The following TANC2 variants were observed in gnomAD, a reference collection of about 807,000 sequenced individuals.
The protein encoded by TANC2 is tetratricopeptide repeat, ankyrin repeat and coiled-coil containing 2.
Under a neutral mutation model 210.5 loss-of-function variants are expected in TANC2, and 26 were observed. The observed-to-expected ratio is 0.12, with a 90% CI of 0.09 to 0.17. The LOEUF (loss-of-function observed/expected upper bound fraction) is 0.17, where lower values mean the gene tolerates loss of function less well. Among genes scored for constraint, TANC2 ranks in the 10% least tolerant of loss-of-function variants. TANC2 has a pLI of 1.00. For missense variants in TANC2, 2,129 were observed against 2,608.9 expected (o/e 0.82, Z 4.01); for synonymous variants, 931 against 967.1 (o/e 0.96, Z 0.69).
At chr17:63,083,508 C>G (rs2036853054) in intron 3 of TANC2, among the ~76,000 whole-genome samples, 1 of 152,110 alleles carries the variant, frequency 6.6e-6, no homozygotes, top group Non-Finnish European at 1.5e-5. Context: ...GGTCCTCAGA[C>G]CAGAAAGGGA....
At chr17:62,990,124 A>G (rs1164956597) in intron 1 of TANC2, among the ~76,000 whole-genome samples, 1 of 152,098 alleles carries the variant, frequency 6.6e-6, no homozygotes, top group Admixed American at 6.6e-5. Context: ...AAACTAATAA[A>G]GGATGGTTGA....
intron 5 of TANC2, chr17:63,182,534 G>A (rs1024694787): frequency 6.0e-5 from 15 of 248,632 alleles, no homozygotes; most frequent in African/African-American, 3.0e-4. Flanking sequence ...ACTCATTTGA[G>A]GACTTTTTTG....
Position 63,301,866 on chromosome 17 carries a change from T to C in TANC2, c.1160-12522T>C, listed in dbSNP as rs140280072. On this transcript the variant is annotated intron_variant, in intron 9 of 27. Coordinates refer to ENST00000689528, the Ensembl canonical transcript of TANC2. ...GCTTCTCTAGCTCTTTTAATTGTGA[T>C]GTTAGGGTGTCAATTTGAGATCTTT... Among the ~76,000 whole-genome samples, 1,276 of 152,320 alleles carry C rather than the reference T, an allele frequency of 8.4e-3. 15 individuals carry two copies. Among genetic ancestry groups the C allele is most frequent in the African/African-American group, 0.028 (1,167 of 41,556 alleles).
chr17:63,174,156 A>G (rs1263779081), intron 5 of TANC2, among the ~76,000 whole-genome samples: 26 of 152,232 alleles, frequency 1.7e-4, no homozygotes, highest in Admixed American at 1.7e-3. Flanking sequence ...AGTGATGCAT[A>G]ATTTTCCACA....
intron 7 of TANC2, among the ~76,000 whole-genome samples, chr17:63,206,547 T>C (rs766276786): frequency 6.6e-6 from 1 of 152,214 alleles, no homozygotes; most frequent in Non-Finnish European, 1.5e-5. Context: ...TGATGTATGC[T>C]ACAACATGGA....
At chr17:63,313,279 G>A (rs1263124620) in intron 9 of TANC2, 1 of 152,062 alleles carries the variant, frequency 6.6e-6, no homozygotes, top group Non-Finnish European at 1.5e-5. Flanking sequence ...TCAAGGCACT[G>A]TGCTAAGGTT....
chr17:63,147,465 A>AC (rs2039502484), intron 4 of TANC2, among the ~76,000 whole-genome samples: 1 of 152,236 alleles, frequency 6.6e-6, no homozygotes, highest in Non-Finnish European at 1.5e-5. Flanking sequence ...AAATTTTCTT[A>AC]ATGAGCAGTT....
intron 2 of TANC2, among the ~76,000 whole-genome samples, chr17:63,059,722 A>G (rs2035928487): frequency 1.3e-5 from 2 of 151,830 alleles, no homozygotes; most frequent in Admixed American, 1.3e-4. Context: ...ACATTTTATG[A>G]TCTCCTGGCC....
intron 7 of TANC2, among the ~76,000 whole-genome samples, chr17:63,230,046 T>A (rs2042431160): frequency 6.6e-6 from 1 of 152,198 alleles, no homozygotes; most frequent in African/African-American, 2.4e-5. Context: ...TCCTTTCACC[T>A]CAACCTCCCA....
intron 7 of TANC2, among the ~76,000 whole-genome samples, chr17:63,224,140 C>T (rs2145956000): frequency 6.6e-6 from 1 of 152,166 alleles, no homozygotes; most frequent in African/African-American, 2.4e-5. Context: ...ATAAAGTAAG[C>T]AGCATCCTAA....
chr17:63,047,304 C>T (rs557260032), intron 2 of TANC2, among the ~76,000 whole-genome samples: 12 of 152,072 alleles, frequency 7.9e-5, no homozygotes, highest in South Asian at 2.1e-4. Context: ...TATCTTCTGA[C>T]GGGAGAACAT....
At chr17:63,042,949 T>C (rs2035246330) in intron 2 of TANC2, among the ~76,000 whole-genome samples, 1 of 152,102 alleles carries the variant, frequency 6.6e-6, no homozygotes, top group South Asian at 2.1e-4. Context: ...AAATATAGTT[T>C]ACAAAGTAAC....
At chr17:63,197,153 A>G (rs925281051) in intron 6 of TANC2, among the ~76,000 whole-genome samples, 4 of 152,176 alleles carry the variant, frequency 2.6e-5, no homozygotes, top group African/African-American at 9.6e-5. Flanking sequence ...ATTTGGGGGA[A>G]ATTACATCAT....
chr17:63,200,158 C>G (rs903265783), intron 6 of TANC2, among the ~76,000 whole-genome samples: 2 of 151,748 alleles, frequency 1.3e-5, no homozygotes, highest in African/African-American at 4.8e-5. Flanking sequence ...GAGTTCGAGA[C>G]CACCCTGGCC....
intron 8 of TANC2, among the ~76,000 whole-genome samples, chr17:63,262,135 A>C (rs1035105908): frequency 2.6e-5 from 4 of 152,192 alleles, no homozygotes; most frequent in Non-Finnish European, 4.4e-5. Flanking sequence ...CAAGGAACAA[A>C]ATATGCATAG....
intron 4 of TANC2, among the ~76,000 whole-genome samples, chr17:63,132,295 T>A (rs890828370): frequency 9.2e-5 from 14 of 152,254 alleles, no homozygotes; most frequent in African/African-American, 3.4e-4. Context: ...GCAATATATT[T>A]TATTTAGTTT....
chr17:63,058,114 G>A (rs1191035405), intron 2 of TANC2, among the ~76,000 whole-genome samples: 2 of 151,942 alleles, frequency 1.3e-5, no homozygotes, highest in South Asian at 4.1e-4. Context: ...TACTTTTTTA[G>A]TAATAGGCAT....
chr17:63,382,810 A>G (rs1008016156), intron 15 of TANC2, among the ~76,000 whole-genome samples: 1 of 152,182 alleles, frequency 6.6e-6, no homozygotes, highest in Admixed American at 6.5e-5. Context: ...CTGTTCATAA[A>G]CAATATATAC....
chr17:63,027,133 A>G (rs2034584095), intron 2 of TANC2, among the ~76,000 whole-genome samples: 2 of 152,210 alleles, frequency 1.3e-5, no homozygotes, highest in African/African-American at 4.8e-5. Flanking sequence ...TGGTAAAACT[A>G]CTTTCATAAA....
Sources: allele counts gnomAD v4.1 joint callset (sites outside exome capture counted in the v4.1 genomes callset), GRCh38; gene constraint gnomAD v4.1.1; transcripts MANE v1.5; gene names NCBI Gene and HGNC (gene_info 2026-07-23, HGNC 2026-07-21).